Variants in ZNF346 observed in about 807,000 individuals in gnomAD.
ZNF346 encodes the protein double-stranded RNA-binding zinc finger protein JAZ.
A neutral mutation model predicts 33.7 loss-of-function variants in ZNF346; 23 were observed. That is an observed-to-expected ratio of 0.68 (90% CI 0.49 to 0.97). The LOEUF is 0.97. ZNF346 is among the 50% of genes least tolerant of loss of function. The pLI is 0.00. For missense variants in ZNF346, 340 were observed against 371.1 expected (o/e 0.92, Z 0.69); for synonymous variants, 134 against 142.4 (o/e 0.94, Z 0.42).
At chr5:177,026,560 C>A (rs1190055006) in intron 1 of ZNF346, among the ~76,000 whole-genome samples, 1 of 151,844 alleles carries the variant, frequency 6.6e-6, no homozygotes, top group Non-Finnish European at 1.5e-5. Flanking sequence ...CAGAGTTTCA[C>A]CATGTTGGCC....
intron 3 of ZNF346, among the ~76,000 whole-genome samples, chr5:177,042,825 A>C (rs1250925433): frequency 6.6e-6 from 1 of 151,878 alleles, no homozygotes; most frequent in Non-Finnish European, 1.5e-5. Context: ...CAACCTCCCA[A>C]GCTCAAGTGA....
At chr5:177,043,001 G>A (rs759437379) in intron 3 of ZNF346, among the ~76,000 whole-genome samples, 3 of 152,182 alleles carry the variant, frequency 2.0e-5, no homozygotes, top group Admixed American at 6.5e-5. Context: ...ACAGGCACGC[G>A]CCACCACACC....
chr5:177,041,186 G>A lies in ZNF346; in HGVS notation c.236G>A (p.Cys79Tyr). ...ACCAACACCCAGTGTAAGGTTTGCTGCGCCTTGCTTATTTCTGAGTCCCAG... is the reference window on the plus strand; with the variant it reads ...ACCAACACCCAGTGTAAGGTTTGCTACGCCTTGCTTATTTCTGAGTCCCAG... ...LFTNTQCKVCCALLISESQKL... is the reference protein window; with the variant it reads ...LFTNTQCKVCYALLISESQKL... Residue 79 changes from cysteine (C) to tyrosine (Y), a missense_variant, in exon 2 of 7, where the codon TGC (cysteine) becomes TAC (tyrosine). By Grantham distance (194) the Cys-to-Tyr change is radical (BLOSUM62 -2). Transcript: ENST00000358149. 2.5e-6 allele frequency: 4 copies of A among 1,614,200 alleles called. No homozygotes were observed. The highest frequency in any genetic ancestry group is 3.4e-6 in the Non-Finnish European group (4 of 1,180,028).
At chr5:177,053,193 A>G (rs1399569095) in intron 5 of ZNF346, among the ~76,000 whole-genome samples, 2 of 151,802 alleles carry the variant, frequency 1.3e-5, no homozygotes, top group Non-Finnish European at 2.9e-5. Context: ...ACACACGCCT[A>G]TAGTCCCAGC....
At chr5:177,051,466 C>T (rs1444963099) in intron 5 of ZNF346, among the ~76,000 whole-genome samples, 9 of 151,772 alleles carry the variant, frequency 5.9e-5, no homozygotes, top group African/African-American at 1.5e-4. Context: ...TGAGCCACCG[C>T]GCCCAGCCCT....
At chr5:177,063,066 T>TTG (rs905994708) in intron 6 of ZNF346, among the ~76,000 whole-genome samples, 2 of 106,154 alleles carry the variant, frequency 1.9e-5, no homozygotes, top group Non-Finnish European at 3.4e-5. Context: ...CAACATAACG[T>TTG]TTTTTTTTTT....
Position 177,054,762 on chromosome 5 carries a change from A to G in ZNF346, c.703+3826A>G, listed in dbSNP as rs149076221. ...ACAGATAACTGAAACCATAGAAAGC[A>G]AATCTGCAGATGTTGAGTGGGGAGT... On this transcript the variant is annotated intron_variant, in intron 5 of 6. Coordinates refer to ENST00000358149, the MANE Select transcript of ZNF346 (RefSeq NM_012279.4). Among the ~76,000 whole-genome samples the G allele has an allele frequency of 2.3e-3, 356 of 152,260 alleles. 3 individuals are homozygous for G. The highest frequency in any genetic ancestry group is 8.1e-3 in the African/African-American group (336 of 41,548).
At chr5:177,045,449 G>A (rs1490714896) in intron 4 of ZNF346, among the ~76,000 whole-genome samples, 1 of 151,870 alleles carries the variant, frequency 6.6e-6, no homozygotes, top group Non-Finnish European at 1.5e-5. Flanking sequence ...CTACCTCCCA[G>A]GTTCATGCCA....
intron 8 of ZNF346, among the ~76,000 whole-genome samples, chr5:177,076,699 G>T (rs558068055): frequency 2.4e-4 from 36 of 152,312 alleles, no homozygotes; most frequent in South Asian, 4.1e-4. Flanking sequence ...AGTGGTCCCT[G>T]TGACTATCTC....
At chr5:177,045,853 T>C (rs1262339287) in intron 4 of ZNF346, among the ~76,000 whole-genome samples, 1 of 152,174 alleles carries the variant, frequency 6.6e-6, no homozygotes, top group Non-Finnish European at 1.5e-5. Flanking sequence ...AACAGCAGAA[T>C]GTGGACTTTG....
At position 177,065,881 on chromosome 5, in the gene ZNF346, T is replaced by TG. The variant is rs397883962; in HGVS notation, c.*1282_*1283insG. 38,331 of 143,540 alleles carry TG rather than the reference T, an allele frequency of 0.27. 5,433 individuals are homozygous for TG. Among genetic ancestry groups the TG allele is most frequent in the East Asian group, 0.44 (2,201 of 4,994 alleles). 8.9% of individuals were successfully genotyped at this position (143,540 alleles called of 1,614,324 possible). On this transcript the variant is annotated 3_prime_UTR_variant, in exon 7 of 7. Transcript: ENST00000358149. ...GGATGTGTGTGTGTGTGTGTGTGTG[T>TG]TTGTGTGTATGTGTGTGCTTCTGTG... is the stretch of plus-strand genomic sequence containing the variant.
At chr5:177,060,671 G>A (rs562280459) in intron 5 of ZNF346, among the ~76,000 whole-genome samples, 2 of 152,270 alleles carry the variant, frequency 1.3e-5, no homozygotes, top group South Asian at 4.1e-4. Flanking sequence ...AATTAGGCAT[G>A]GTGGCACGCA....
chr5:177,069,034 A>G (rs1188912258), downstream of ZNF346, among the ~76,000 whole-genome samples: 4 of 142,796 alleles, frequency 2.8e-5, no homozygotes, highest in Admixed American at 2.7e-4. Flanking sequence ...AGAAGCAACC[A>G]CTATTTTGAC....
At chr5:177,078,734 A>G (rs1231204114) in intron 8 of ZNF346, among the ~76,000 whole-genome samples, 2 of 151,822 alleles carry the variant, frequency 1.3e-5, no homozygotes, top group Non-Finnish European at 2.9e-5. Context: ...CAACATGGTG[A>G]TACCCGTCTC....
intron 5 of ZNF346, 72 bp from the exon 6 acceptor site, chr5:177,061,986 C>A: frequency 7.4e-7 from 1 of 1,356,440 alleles, no homozygotes; most frequent in Non-Finnish European, 1.0e-6. Flanking sequence ...GGCATTTGTA[C>A]ACTCTGAAAA....
chr5:177,031,360 T>C (rs1376969536), intron 1 of ZNF346, among the ~76,000 whole-genome samples: 1 of 152,252 alleles, frequency 6.6e-6, no homozygotes, highest in Non-Finnish European at 1.5e-5. Flanking sequence ...CAGGATCATT[T>C]GGCTGGATAT....
intron 2 of ZNF346, 84 bp from the exon 3 acceptor site, chr5:177,041,694 A>G (rs1779356298): frequency 1.1e-6 from 1 of 873,214 alleles, no homozygotes; most frequent in Admixed American, 2.2e-5. Flanking sequence ...GATGAATCAG[A>G]TGAAAATCTC....
chr5:177,023,195 A>G, intron 1 of ZNF346: 3 of 1,536,534 alleles, frequency 2.0e-6, no homozygotes, highest in African/African-American at 1.4e-5. Flanking sequence ...TGTCATCCCT[A>G]TACTCGTCCT....
At chr5:177,023,875 A>T (rs1055565648) in intron 1 of ZNF346, among the ~76,000 whole-genome samples, 1 of 151,958 alleles carries the variant, frequency 6.6e-6, no homozygotes, top group Non-Finnish European at 1.5e-5. Context: ...ACTGCCCTGG[A>T]TAAAATTGGA....
Sources: allele counts gnomAD v4.1 joint callset (sites outside exome capture counted in the v4.1 genomes callset), GRCh38; gene constraint gnomAD v4.1.1; transcripts MANE v1.5; gene names NCBI Gene and HGNC (gene_info 2026-07-23, HGNC 2026-07-21).